MPPED1: variants seen among roughly 807,000 people sequenced by gnomAD.
MPPED1 encodes metallophosphoesterase domain containing 1, also known as metallophosphoesterase domain-containing protein 1.
MPPED1 carries 16 observed loss-of-function variants against 36.2 expected under a neutral mutation model. The ratio of observed to expected loss-of-function variants is 0.44; its 90% CI spans 0.30 to 0.67. MPPED1 has a LOEUF of 0.67. MPPED1 is among the 30% of genes least tolerant of loss of function. The probability of loss-of-function intolerance (pLI) is 0.10; values close to 1 mark genes in which losing one functional copy is unlikely to be tolerated. For synonymous variants in MPPED1, 199 were observed against 191.3 expected, an observed-to-expected ratio of 1.04 and a Z score of -0.33; for missense variants, 307 against 453.4, an observed-to-expected ratio of 0.68 and a Z score of 2.93.
At chr22:43,490,046 G>T (rs1257715295) in intron 4 of MPPED1, among the ~76,000 whole-genome samples, 1 of 152,224 alleles carries the variant, frequency 6.6e-6, no homozygotes, top group Admixed American at 6.5e-5. Context: ...GGAAACCGAG[G>T]CTGGAAGAGG....
At chr22:43,504,738 A>G (rs1455972121) in intron 6 of MPPED1, among the ~76,000 whole-genome samples, 4 of 150,866 alleles carry the variant, frequency 2.7e-5, no homozygotes, top group African/African-American at 9.8e-5. Context: ...TAATAGGAGC[A>G]GTGGTGATGA....
intron 3 of MPPED1, among the ~76,000 whole-genome samples, chr22:43,465,793 TGC>T (rs1249899212): frequency 1.3e-5 from 2 of 152,154 alleles, no homozygotes; most frequent in African/African-American, 4.8e-5. Context: ...GAACAGCAGA[TGC>T]GGATGCCAGG....
intron 2 of MPPED1, among the ~76,000 whole-genome samples, chr22:43,433,280 A>C (rs1445832482): frequency 6.6e-6 from 1 of 152,092 alleles, no homozygotes; most frequent in Non-Finnish European, 1.5e-5. Flanking sequence ...TGCCCTGTCA[A>C]AGGTGCTGGC....
chr22:43,417,686 C>A (rs1231858363), intron 1 of MPPED1: 1 of 191,234 alleles, frequency 5.2e-6, no homozygotes, highest in Non-Finnish European at 1.1e-5. Flanking sequence ...AGTGTGGTTT[C>A]TCTGTGACAT....
chr22:43,413,724 C>A (rs1928986394), intron 1 of MPPED1, among the ~76,000 whole-genome samples: 1 of 152,208 alleles, frequency 6.6e-6, no homozygotes, highest in Non-Finnish European at 1.5e-5. Flanking sequence ...CTTGTAAAAT[C>A]TTTTTCTGGA....
intron 1 of MPPED1, chr22:43,418,196 T>G: frequency 2.2e-6 from 1 of 456,100 alleles, no homozygotes; most frequent in Non-Finnish European, 4.4e-6. Context: ...ACGAGAGCAC[T>G]TTCGAGAGCC....
chr22:43,502,705 G>A lies in MPPED1; in HGVS notation c.810G>A (p.Thr270=), dbSNP rs754672787. Residue 270 remains threonine, a synonymous_variant, in exon 6 of 7, where the codon ACG becomes ACA. Transcript: ENST00000443721. This position sits in a 1 kb window ranked among gnomAD's most constrained non-coding sequence, Gnocchi z 5.5. ...QRVGCVELLN[T]VQRRVQPRLH... The stretch of plus-strand genomic sequence containing the variant: ...TGGGCTGTGTGGAGCTGCTCAACAC[G>A]GTGCAGAGGCGCGTCCAGCCGCGGT... 18 of 1,613,186 alleles carry A rather than the reference G, an allele frequency of 1.1e-5. No individual in the cohort carries two copies. Among genetic ancestry groups the A allele is most frequent in the African/African-American group, 2.7e-5 (2 of 74,928 alleles).
chr22:43,500,570 T>G (rs1412336953), intron 5 of MPPED1, among the ~76,000 whole-genome samples: 1 of 151,866 alleles, frequency 6.6e-6, no homozygotes, highest in Non-Finnish European at 1.5e-5. Flanking sequence ...TGACCCTCTG[T>G]GGTTCCCTCA....
intron 1 of MPPED1, among the ~76,000 whole-genome samples, chr22:43,419,536 G>C (rs749485478): frequency 1.3e-5 from 2 of 151,784 alleles, no homozygotes; most frequent in African/African-American, 4.8e-5. Flanking sequence ...AAGTGGGAGT[G>C]GGGCTGGGGC....
At chr22:43,490,649 C>CT (rs1431697327) in intron 4 of MPPED1, among the ~76,000 whole-genome samples, 1 of 152,172 alleles carries the variant, frequency 6.6e-6, no homozygotes, top group East Asian at 1.9e-4. Flanking sequence ...ACTGATGAGG[C>CT]TTCCTCCTGT....
At chr22:43,467,201 C>A (rs1157722348) in intron 3 of MPPED1, among the ~76,000 whole-genome samples, 2 of 152,192 alleles carry the variant, frequency 1.3e-5, no homozygotes, top group African/African-American at 2.4e-5. Context: ...CCCCTGCACC[C>A]CTTGCTGCAC....
chr22:43,494,615 A>C (rs1033052418), intron 4 of MPPED1, among the ~76,000 whole-genome samples: 1 of 148,940 alleles, frequency 6.7e-6, no homozygotes, highest in Non-Finnish European at 1.5e-5. Flanking sequence ...TCTACAAAGA[A>C]CCTCTTTATA....
Position 43,497,748 on chromosome 22 carries a change from G to A in MPPED1, c.633-487G>A, listed in dbSNP as rs1405858074. 4.6e-5 allele frequency among the ~76,000 whole-genome samples: 7 copies of A among 150,908 alleles called. No individual in the cohort carries two copies. The East Asian group carries it at 9.8e-4, about 21-fold the overall frequency. On this transcript the variant is annotated intron_variant, in intron 4 of 6. Transcript: ENST00000443721. The stretch of plus-strand genomic sequence containing the variant: ...CAGTATAAGCAAGAATGAGCAGCCC[G>A]CACCTGGAATCTGCTCTCTTTTGAC...
intron 3 of MPPED1, among the ~76,000 whole-genome samples, chr22:43,443,888 C>A (rs186251697): frequency 2.0e-5 from 3 of 152,056 alleles, no homozygotes; most frequent in African/African-American, 7.2e-5. Context: ...TCTGATGGGG[C>A]GCTGTTGGTG....
chr22:43,441,254 T>C (rs933286258), intron 3 of MPPED1, among the ~76,000 whole-genome samples: 9 of 152,198 alleles, frequency 5.9e-5, no homozygotes, highest in Non-Finnish European at 1.5e-5. Flanking sequence ...CAGTCAGGGC[T>C]CCTATGTCCC....
intron 3 of MPPED1, among the ~76,000 whole-genome samples, chr22:43,450,870 G>T (rs1930540737): frequency 6.6e-6 from 1 of 152,042 alleles, no homozygotes; most frequent in Non-Finnish European, 1.5e-5. Context: ...GGGATTACAA[G>T]CATGTGCCAC....
chr22:43,437,372 T>C (rs896275633), intron 3 of MPPED1, among the ~76,000 whole-genome samples: 1 of 150,698 alleles, frequency 6.6e-6, no homozygotes, highest in African/African-American at 2.4e-5. Flanking sequence ...CTCCTGACAA[T>C]GAGGCAGGAA....
chr22:43,494,926 G>T (rs1250681833), intron 4 of MPPED1, among the ~76,000 whole-genome samples: 1 of 152,212 alleles, frequency 6.6e-6, no homozygotes, highest in Non-Finnish European at 1.5e-5. Context: ...AGTGGAAGGA[G>T]CAAGGGATCT....
chr22:43,487,134 G>A (rs964865821), intron 4 of MPPED1, among the ~76,000 whole-genome samples: 4 of 152,098 alleles, frequency 2.6e-5, no homozygotes, highest in African/African-American at 4.8e-5. Flanking sequence ...CCCTGAAGCC[G>A]GCCTGGGCAG....
Sources: gnomAD v4.1 joint callset for allele counts (sites outside exome capture counted in the v4.1 genomes callset) on GRCh38, gnomAD v4.1.1 for gene constraint, Gnocchi (gnomAD v3.1) non-coding constraint, MANE v1.5 for transcripts, NCBI Gene and HGNC (gene_info 2026-07-23, HGNC 2026-07-21) for gene names.